Variants in CTNNA3 observed in about 807,000 individuals in gnomAD.
CTNNA3 encodes the protein catenin alpha-3.
Under a neutral mutation model 95.7 loss-of-function variants are expected in CTNNA3, and 76 were observed. The observed-to-expected ratio is 0.79, with a 90% CI of 0.66 to 0.96. CTNNA3 has a LOEUF of 0.96. CTNNA3 is among the 40% of genes least tolerant of loss of function. The pLI, the probability that CTNNA3 is intolerant of heterozygous loss-of-function variation, is 0.00. For missense variants in CTNNA3, 1,191 were observed against 1,089.8 expected (o/e 1.09, Z -1.31); for synonymous variants, 431 against 374.4 (o/e 1.15, Z -1.74).
intron 1 of CTNNA3, among the ~76,000 whole-genome samples, chr10:67,733,014 G>A (rs1179781372): frequency 6.6e-6 from 1 of 151,922 alleles, no homozygotes; most frequent in Non-Finnish European, 1.5e-5. Context: ...CGTTTATGGG[G>A]AAAATCCACA....
chr10:67,251,895 G>A (rs1273218279), intron 5 of CTNNA3, among the ~76,000 whole-genome samples: 1 of 152,096 alleles, frequency 6.6e-6, no homozygotes, highest in African/African-American at 2.4e-5. Context: ...ATCATCACTA[G>A]TGGCCTCAGA....
intron 5 of CTNNA3, among the ~76,000 whole-genome samples, chr10:67,392,632 A>G (rs2132775705): frequency 6.6e-6 from 1 of 152,348 alleles, no homozygotes; most frequent in South Asian, 2.1e-4. Context: ...CACTCTTCAC[A>G]AGAGCAAAGA....
intron 17 of CTNNA3, among the ~76,000 whole-genome samples, chr10:65,962,709 C>T (rs1489657910): frequency 2.0e-5 from 3 of 150,826 alleles, no homozygotes; most frequent in Non-Finnish European, 4.4e-5. Flanking sequence ...CTCCCCTAGC[C>T]CCCCACCCCC....
intron 13 of CTNNA3, among the ~76,000 whole-genome samples, chr10:66,149,659 A>G (rs1342767826): frequency 6.6e-6 from 1 of 151,934 alleles, no homozygotes; most frequent in Non-Finnish European, 1.5e-5. Flanking sequence ...AATTTGATAT[A>G]CTTTTACTTT....
intron 10 of CTNNA3, among the ~76,000 whole-genome samples, chr10:66,589,903 A>G (rs772631208): frequency 1.3e-5 from 2 of 152,068 alleles, no homozygotes; most frequent in African/African-American, 2.4e-5. Flanking sequence ...TGTGATTCCC[A>G]TCATAAACGC....
At chr10:66,743,097 G>A (rs946581914) in intron 9 of CTNNA3, among the ~76,000 whole-genome samples, 3 of 152,016 alleles carry the variant, frequency 2.0e-5, no homozygotes, top group African/African-American at 4.8e-5. Context: ...AACCGAGAAT[G>A]CATTTACCTT....
intron 11 of CTNNA3, among the ~76,000 whole-genome samples, chr10:66,460,483 G>A (rs1352375545): frequency 6.6e-6 from 1 of 152,118 alleles, no homozygotes; most frequent in Non-Finnish European, 1.5e-5. Context: ...TCTTGGCTAT[G>A]GGTAATCTAA....
intron 17 of CTNNA3, among the ~76,000 whole-genome samples, chr10:65,945,354 C>T (rs1331174399): frequency 3.3e-5 from 5 of 152,114 alleles, no homozygotes; most frequent in Non-Finnish European, 7.4e-5. Context: ...TTAATGACTG[C>T]CTATCTGCAG....
At chr10:66,257,417 G>T (rs1163855932) in intron 13 of CTNNA3, among the ~76,000 whole-genome samples, 1 of 152,026 alleles carries the variant, frequency 6.6e-6, no homozygotes, top group Non-Finnish European at 1.5e-5. Context: ...CCTTTTAGTC[G>T]TGCCAAGCTG....
chr10:66,835,516 T>C (rs1409881438), intron 7 of CTNNA3, among the ~76,000 whole-genome samples: 1 of 152,236 alleles, frequency 6.6e-6, no homozygotes. Context: ...TGATATCACT[T>C]GCCCTTTGGC....
At chr10:67,738,331 C>T (rs1004442075) in intron 1 of CTNNA3, among the ~76,000 whole-genome samples, 6 of 152,338 alleles carry the variant, frequency 3.9e-5, no homozygotes, top group African/African-American at 1.4e-4. Context: ...CTCCAGCAAA[C>T]TCCAACAGAC....
At position 67,259,838 on chromosome 10, in the gene CTNNA3, G is replaced by A. The variant is rs1218420381; in HGVS notation, c.580-39968C>T. ...TGAAGTAGCTTCATAAGTAGCACAG[G>A]CAGTTTCCTGTAAAGTGTAATTGGG... On this transcript the variant is annotated intron_variant, in intron 5 of 17. Coordinates refer to ENST00000433211, the MANE Select transcript of CTNNA3 (RefSeq NM_013266.4). Among the ~76,000 whole-genome samples the A allele has an allele frequency of 3.9e-5, 6 of 152,212 alleles. No individual in the cohort carries two copies. The South Asian group carries it at 1.2e-3, about 32-fold the overall frequency.
intron 13 of CTNNA3, among the ~76,000 whole-genome samples, chr10:66,245,152 C>T (rs1173113033): frequency 1.3e-5 from 2 of 152,196 alleles, no homozygotes; most frequent in Non-Finnish European, 2.9e-5. Flanking sequence ...GGTCCGGCCA[C>T]TGCTCAGTCA....
At chr10:66,128,740 T>C (rs193212409) in intron 13 of CTNNA3, among the ~76,000 whole-genome samples, 70 of 152,272 alleles carry the variant, frequency 4.6e-4, no homozygotes, top group Middle Eastern at 6.8e-3. Flanking sequence ...TCATAAATTA[T>C]ACAACCAAGA....
chr10:65,920,464 C>G lies in CTNNA3; in HGVS notation c.2554G>C (p.Ala852Pro), dbSNP rs778712224. 16 of 1,613,946 alleles carry G rather than the reference C, an allele frequency of 9.9e-6. No individual in the cohort carries two copies. Among genetic ancestry groups the G allele is most frequent in the East Asian group, 4.5e-5 (2 of 44,894 alleles). Residue 852 changes from alanine (A) to proline (P), a missense_variant, in exon 18 of 18, where the codon GCT becomes CCT. Coordinates refer to ENST00000433211, the MANE Select transcript of CTNNA3 (RefSeq NM_013266.4). ...RHPVVMWRMK[A>P]PAKKPLIKRE... ...TTAATCAAGGGTTTTTTTGCAGGAG[C>G]CTTCATTCTCCACATCACAACTGGG...
intron 7 of CTNNA3, among the ~76,000 whole-genome samples, chr10:67,060,775 G>C (rs1442532819): frequency 6.6e-6 from 1 of 152,184 alleles, no homozygotes; most frequent in Non-Finnish European, 1.5e-5. Flanking sequence ...GTTCCTGAGT[G>C]ACTATGGTCC....
At chr10:65,967,676 T>G (rs2078003106) in intron 16 of CTNNA3, among the ~76,000 whole-genome samples, 1 of 152,228 alleles carries the variant, frequency 6.6e-6, no homozygotes, top group South Asian at 2.1e-4. Flanking sequence ...CCTACATCAT[T>G]TTATCTTTTC....
chr10:66,642,568 GTT>G (rs1845557782), intron 9 of CTNNA3, among the ~76,000 whole-genome samples: 2 of 152,024 alleles, frequency 1.3e-5, no homozygotes, highest in Admixed American at 6.6e-5. Flanking sequence ...GCACCTGTGT[GTT>G]TACCAGAGCT....
chr10:66,385,803 A>T (rs2092885412), intron 11 of CTNNA3, among the ~76,000 whole-genome samples: 1 of 152,188 alleles, frequency 6.6e-6, no homozygotes, highest in Non-Finnish European at 1.5e-5. Context: ...AAATCAGTAA[A>T]CATAATCCAT....
Sources: allele counts gnomAD v4.1 joint callset (sites outside exome capture counted in the v4.1 genomes callset), GRCh38; gene constraint gnomAD v4.1.1; transcripts MANE v1.5; gene names NCBI Gene and HGNC (gene_info 2026-07-23, HGNC 2026-07-21).